FSTL5: variants seen among roughly 807,000 people sequenced by gnomAD.
FSTL5 encodes the protein follistatin like 5.
FSTL5 carries 62 observed loss-of-function variants against 89.1 expected under a neutral mutation model. That is an observed-to-expected ratio of 0.70 (90% CI 0.57 to 0.86). The LOEUF is 0.86. FSTL5 is among the 40% of genes least tolerant of loss of function. The pLI, the probability that FSTL5 is intolerant of heterozygous loss-of-function variation, is 0.00. For missense variants in FSTL5, 1,057 were observed against 1,001.6 expected (o/e 1.06, Z -0.75); for synonymous variants, 383 against 346.2 (o/e 1.11, Z -1.18).
At chr4:161,509,468 A>G (rs556979816) in intron 11 of FSTL5, among the ~76,000 whole-genome samples, 1 of 152,284 alleles carries the variant, frequency 6.6e-6, no homozygotes. Context: ...TGGAGTTCAT[A>G]CAAAAGATTT....
intron 11 of FSTL5, among the ~76,000 whole-genome samples, chr4:161,504,088 A>C (rs1730392642): frequency 6.6e-6 from 1 of 151,986 alleles, no homozygotes; most frequent in South Asian, 2.1e-4. Context: ...CAAAATGTAA[A>C]CAATGTTTTA....
At chr4:161,661,523 A>G (rs1579002762) in intron 6 of FSTL5, among the ~76,000 whole-genome samples, 1 of 152,198 alleles carries the variant, frequency 6.6e-6, no homozygotes, top group East Asian at 1.9e-4. Flanking sequence ...AATGGAATAA[A>G]TTAGTTATTC....
rs12649642 is a variant in FSTL5, at chr4:161,965,280, A to G, written c.161-44628T>C. 0.013 allele frequency among the ~76,000 whole-genome samples: 1,908 copies of G among 152,198 alleles called. 127 individuals carry two copies. The East Asian group carries it at 0.2, about 16-fold the overall frequency. ...ACAAGTTATCCAAATTAATAGGACT[A>G]GAGAATGTTTGTACCCCTTCTACAT... On this transcript the variant is annotated intron_variant, in intron 3 of 15. Coordinates refer to ENST00000306100, the MANE Select transcript of FSTL5 (RefSeq NM_020116.5).
At chr4:161,433,998 A>G (rs867212038) in intron 15 of FSTL5, among the ~76,000 whole-genome samples, 1 of 152,140 alleles carries the variant, frequency 6.6e-6, no homozygotes, top group Non-Finnish European at 1.5e-5. Context: ...TACAAATTCA[A>G]TGCAATCACT....
intron 1 of FSTL5, among the ~76,000 whole-genome samples, chr4:162,155,676 T>G (rs1261665116): frequency 6.6e-6 from 1 of 152,200 alleles, no homozygotes; most frequent in African/African-American, 2.4e-5. Context: ...TCTTAAACTA[T>G]AAGAACTTTT....
intron 4 of FSTL5, among the ~76,000 whole-genome samples, chr4:161,836,465 A>C (rs1413741523): frequency 6.6e-6 from 1 of 152,064 alleles, no homozygotes; most frequent in African/African-American, 2.4e-5. Context: ...AATAATAAAA[A>C]AAAAAAGAAA....
chr4:161,490,441 A>T (rs1729827498), intron 12 of FSTL5, among the ~76,000 whole-genome samples: 3 of 152,178 alleles, frequency 2.0e-5, no homozygotes, highest in African/African-American at 7.2e-5. Context: ...TCTGCCTACT[A>T]ACTAAAAAAT....
intron 1 of FSTL5, among the ~76,000 whole-genome samples, chr4:162,138,801 C>A (rs1732614435): frequency 6.6e-6 from 1 of 151,918 alleles, no homozygotes; most frequent in South Asian, 2.1e-4. Flanking sequence ...ATCTGACATG[C>A]AACACAAAAT....
intron 2 of FSTL5, among the ~76,000 whole-genome samples, chr4:162,071,368 C>T (rs1045995607): frequency 4.6e-5 from 7 of 151,462 alleles, no homozygotes; most frequent in Non-Finnish European, 8.9e-5. Context: ...ATAAAATAGA[C>T]TTTAAGTAAA....
At chr4:161,959,886 T>C (rs1735124259) in intron 3 of FSTL5, among the ~76,000 whole-genome samples, 1 of 152,086 alleles carries the variant, frequency 6.6e-6, no homozygotes, top group South Asian at 2.1e-4. Context: ...CAAATTTACA[T>C]TCTGGGAGCA....
chr4:162,033,563 A>T, intron 3 of FSTL5, 62 bp downstream of exon 3: 1 of 836,936 alleles, frequency 1.2e-6, no homozygotes, highest in Non-Finnish European at 1.9e-6. Context: ...GTAGCATCAC[A>T]TATCTTTTTT....
chr4:161,870,462 T>G (rs935608727), intron 4 of FSTL5, among the ~76,000 whole-genome samples: 11 of 152,102 alleles, frequency 7.2e-5, no homozygotes, highest in South Asian at 4.1e-4. Context: ...ATAGCCTAAT[T>G]TAATCTTGGC....
chr4:161,603,407 C>G (rs1734321599), intron 7 of FSTL5, among the ~76,000 whole-genome samples: 2 of 152,106 alleles, frequency 1.3e-5, no homozygotes. Flanking sequence ...AGGAAGAGTT[C>G]TCTCTTTCTC....
intron 4 of FSTL5, among the ~76,000 whole-genome samples, chr4:161,800,839 T>G (rs550340437): frequency 6.6e-6 from 1 of 151,730 alleles, no homozygotes; most frequent in South Asian, 2.1e-4. Flanking sequence ...AATATTTTTA[T>G]GACTTCTTAT....
At position 161,498,997 on chromosome 4, in the gene FSTL5, G is replaced by A. The variant is rs190516429; in HGVS notation, c.1458+1019C>T. Among the ~76,000 whole-genome samples, 16 of 152,120 alleles carry A rather than the reference G, an allele frequency of 1.1e-4. 1 individual carries two copies. Among genetic ancestry groups the A allele is most frequent in the Admixed American group, 8.5e-4 (13 of 15,256 alleles). ...GGGTGCATCACGAGGTCAGGAGTTC[G>A]AGATCAGCCTGGCCAACATGGTGAA... On this transcript the variant is annotated intron_variant, in intron 12 of 15. Transcript: ENST00000306100.
intron 8 of FSTL5, among the ~76,000 whole-genome samples, chr4:161,564,929 T>G (rs1732745697): frequency 6.6e-6 from 1 of 151,920 alleles, no homozygotes; most frequent in South Asian, 2.1e-4. Context: ...AGAACACTGA[T>G]AGTCACAAAT....
chr4:161,813,889 C>G (rs1250936054), intron 4 of FSTL5, among the ~76,000 whole-genome samples: 1 of 151,716 alleles, frequency 6.6e-6, no homozygotes, highest in Non-Finnish European at 1.5e-5. Context: ...TTCTGTGTCT[C>G]TTTTTAAAAT....
chr4:161,724,867 A>G (rs995347913), intron 6 of FSTL5, among the ~76,000 whole-genome samples: 7 of 152,294 alleles, frequency 4.6e-5, no homozygotes, highest in African/African-American at 1.4e-4. Context: ...TCATATGCTC[A>G]TAATTCATAA....
chr4:161,666,108 CA>C (rs933755355), intron 6 of FSTL5, among the ~76,000 whole-genome samples: 5 of 151,424 alleles, frequency 3.3e-5, no homozygotes, highest in African/African-American at 1.2e-4. Context: ...GTTAAAAGAC[CA>C]AAAACACAAG....
Sources: gnomAD v4.1 joint callset for allele counts (sites outside exome capture counted in the v4.1 genomes callset) on GRCh38, gnomAD v4.1.1 for gene constraint, MANE v1.5 for transcripts, NCBI Gene and HGNC (gene_info 2026-07-23, HGNC 2026-07-21) for gene names.